RIC1: variants seen among roughly 807,000 people sequenced by gnomAD.
RIC1 encodes the protein guanine nucleotide exchange factor subunit RIC1.
Under a neutral mutation model 169.0 loss-of-function variants are expected in RIC1, and 88 were observed. That is an observed-to-expected ratio of 0.52 (90% CI 0.44 to 0.62). RIC1 has a LOEUF of 0.62. RIC1 is among the 20% of genes least tolerant of loss of function. RIC1 has a pLI of 0.00. For missense variants in RIC1, 1,877 were observed against 1,725.5 expected (o/e 1.09, Z -1.56); for synonymous variants, 790 against 601.5 (o/e 1.31, Z -4.59).
rs1385159254 is a variant in RIC1 at position 5,756,227 on chromosome 9, C to G, written c.1708C>G (p.Arg570Gly). 6.4e-7 allele frequency: 1 copy of G among 1,567,144 alleles called. No individual in the cohort carries two copies. Among genetic ancestry groups the G allele is most frequent in the Non-Finnish European group, 8.7e-7 (1 of 1,152,856 alleles). ...DRQEELRVYL[R>G]TSNLDNAFAH... ...TTTTCTTCAGCTTAGAGTATACTTG[C>G]GAACATCAAATCTGGACAATGCCTT... The change falls in exon 16 of 26, where the codon CGA becomes GGA. Residue 570 changes from arginine to glycine, a missense_variant. Physicochemically the swap from Arg to Gly is moderately radical, Grantham distance 125. This residue lies in a region of RIC1 where 1,104 missense variants were observed against 992.0 expected (regional missense o/e 1.11). Transcript: ENST00000414202.
At chr9:5,761,533 C>G (rs1030961853) in intron 17 of RIC1, among the ~76,000 whole-genome samples, 4 of 151,606 alleles carry the variant, frequency 2.6e-5, no homozygotes, top group African/African-American at 9.7e-5. Context: ...TTAAATGAGC[C>G]AAAAAGAAAA....
chr9:5,758,843 C>T (rs1017108005), intron 17 of RIC1, among the ~76,000 whole-genome samples: 1 of 150,446 alleles, frequency 6.6e-6, no homozygotes, highest in Non-Finnish European at 1.5e-5. Context: ...CTCCCAGGCT[C>T]AAGCAATTCT....
intron 4 of RIC1, among the ~76,000 whole-genome samples, chr9:5,715,295 C>T (rs932716250): frequency 2.0e-5 from 3 of 152,162 alleles, no homozygotes; most frequent in Admixed American, 2.0e-4. Context: ...TCTACCTCCA[C>T]CTGGTGGGAA....
In RIC1 at chr9:5,650,215, C is replaced by G. The variant is rs543341157; in HGVS notation, c.145-6368C>G. ...TGGATGACCAGGTGAGTGGGTAGGT[C>G]CTTGGATCCCTGGGCAGTGCATGTG... On this transcript the variant is annotated intron_variant, in intron 1 of 25. Transcript: ENST00000414202. Among the ~76,000 whole-genome samples, 5 of 151,938 alleles carry G rather than the reference C, an allele frequency of 3.3e-5. No individual in the cohort carries two copies. The South Asian group carries it at 8.3e-4, about 25-fold the overall frequency.
At chr9:5,752,011 T>C (rs1825751842) in intron 12 of RIC1, among the ~76,000 whole-genome samples, 1 of 152,196 alleles carries the variant, frequency 6.6e-6, no homozygotes. Flanking sequence ...AGAAGACTCT[T>C]TGTTCAGTTC....
At chr9:5,640,796 T>G (rs1388599829) in intron 1 of RIC1, among the ~76,000 whole-genome samples, 1 of 152,212 alleles carries the variant, frequency 6.6e-6, no homozygotes, top group East Asian at 1.9e-4. Context: ...TGATGAACTC[T>G]CTCAGCATTT....
At chr9:5,682,645 GCTCTTCTCAA>G (rs1820928037) in intron 2 of RIC1, among the ~76,000 whole-genome samples, 1 of 151,598 alleles carries the variant, frequency 6.6e-6, no homozygotes, top group Non-Finnish European at 1.5e-5. Context: ...TCTTGGAGTT[GCTCTTCTCAA>G]GGAGTATCTT....
intron 2 of RIC1, among the ~76,000 whole-genome samples, chr9:5,667,995 G>C (rs936829935): frequency 6.6e-6 from 1 of 152,220 alleles, no homozygotes; most frequent in Middle Eastern, 3.2e-3. Flanking sequence ...ATAAAGGAAA[G>C]AGGTTTAATT....
In RIC1 at chr9:5,720,203, T is replaced by C. The variant is rs1273509743; in HGVS notation, c.462T>C (p.Asp154=). 6 of 1,612,446 alleles carry C rather than the reference T, an allele frequency of 3.7e-6. No homozygotes were observed. The African/African-American group carries it at 5.3e-5, about 14-fold the overall frequency. Residue 154 remains aspartate (D), a synonymous_variant, in exon 5 of 26, where the codon GAT becomes GAC. Transcript: ENST00000414202. Reference sequence around the variant, plus strand: ...ACAGTTTGCAGTCTGTGTTGGAAGATCTCCTGGTTGCTACTTCTGATGGAC... The same window carrying C: ...ACAGTTTGCAGTCTGTGTTGGAAGACCTCCTGGTTGCTACTTCTGATGGAC... ...PIMSLQSVLE[D]LLVATSDGLL...
chr9:5,674,318 T>C (rs947430233), intron 2 of RIC1, among the ~76,000 whole-genome samples: 5 of 152,140 alleles, frequency 3.3e-5, no homozygotes, highest in Admixed American at 6.5e-5. Context: ...AAAATTCATA[T>C]AAGCTAAAAT....
At chr9:5,684,276 C>A (rs1184164446) in intron 2 of RIC1, among the ~76,000 whole-genome samples, 7 of 2,782 alleles carry the variant, frequency 2.5e-3, no homozygotes, top group Non-Finnish European at 0.017. Context: ...TTGGCTCCAC[C>A]CCCCCCCCCC....
intron 2 of RIC1, among the ~76,000 whole-genome samples, chr9:5,687,274 A>G (rs1821308410): frequency 1.3e-5 from 2 of 152,144 alleles, no homozygotes; most frequent in African/African-American, 4.8e-5. Flanking sequence ...AACAATAACA[A>G]AAGAACCCCA....
At chr9:5,682,096 T>C (rs1335499239) in intron 2 of RIC1, among the ~76,000 whole-genome samples, 2 of 152,172 alleles carry the variant, frequency 1.3e-5, no homozygotes, top group Non-Finnish European at 2.9e-5. Context: ...CACTGATGGG[T>C]CTTGAGTCTT....
chr9:5,748,563 A>C (rs946292889), intron 12 of RIC1: 6 of 152,650 alleles, frequency 3.9e-5, no homozygotes, highest in African/African-American at 1.4e-4. Flanking sequence ...AAAATTTTCC[A>C]CTGCTCCCTT....
rs1817598776 is a variant in RIC1, at chr9:5,629,285, G to C, written c.-25G>C. ...CGCTGAGTGTGACGGACGCAACTGGGGGCGCCGGGGGCTCCGCACGGACCA... is the reference window on the plus strand; with the variant it reads ...CGCTGAGTGTGACGGACGCAACTGGCGGCGCCGGGGGCTCCGCACGGACCA... On this transcript the variant is annotated 5_prime_UTR_variant, in exon 1 of 26. Coordinates refer to ENST00000414202, the MANE Select transcript of RIC1 (RefSeq NM_020829.4). 2.0e-6 allele frequency: 3 copies of C among 1,467,752 alleles called. No homozygotes were observed. The highest frequency in any genetic ancestry group is 2.7e-6 in the Non-Finnish European group (3 of 1,110,354). The allele number at this position is 1,467,752 out of a possible 1,614,324, so 90.9% of individuals were successfully genotyped here. A position where few individuals can be genotyped will look rare whatever the true frequency, so the allele number is the denominator to read the frequency against.
chr9:5,662,298 T>C (rs1473165749), intron 2 of RIC1, among the ~76,000 whole-genome samples: 2 of 152,168 alleles, frequency 1.3e-5, no homozygotes, highest in African/African-American at 2.4e-5. Flanking sequence ...TCTTTTTTTT[T>C]GTTTTGTCTC....
In RIC1 at chr9:5,706,553, G is replaced by C. The variant is rs1028230442; in HGVS notation, c.333-7343G>C. On this transcript the variant is annotated intron_variant, in intron 3 of 25. Coordinates refer to ENST00000414202, the MANE Select transcript of RIC1 (RefSeq NM_020829.4). Reference sequence around the variant, plus strand: ...TTCATTCTTATTTAAATATTGTATAGGTCACTAATTAAGCCATCTTGTTTT... The same window carrying C: ...TTCATTCTTATTTAAATATTGTATACGTCACTAATTAAGCCATCTTGTTTT... 2.6e-5 allele frequency among the ~76,000 whole-genome samples: 4 copies of C among 151,880 alleles called. No homozygotes were observed. The East Asian group carries it at 5.8e-4, about 22-fold the overall frequency.
intron 2 of RIC1, among the ~76,000 whole-genome samples, chr9:5,674,863 G>T (rs1225329472): frequency 6.6e-6 from 1 of 151,986 alleles, no homozygotes; most frequent in Non-Finnish European, 1.5e-5. Flanking sequence ...TTTTGTTCCG[G>T]GCATATGCTT....
rs16923483 is a variant in RIC1, at chr9:5,732,027, A to G, written c.721-361A>G. Among the ~76,000 whole-genome samples, 996 of 152,354 alleles carry G rather than the reference A, an allele frequency of 6.5e-3. 16 individuals carry two copies. Among genetic ancestry groups the G allele is most frequent in the African/African-American group, 0.023 (964 of 41,588 alleles). ...TATGTGCTAGGTGATGAGAATAATT[A>G]CAGTGAGCAAGTTAGATGCTGTTTC... is the stretch of plus-strand genomic sequence containing the variant. On this transcript the variant is annotated intron_variant, in intron 6 of 25. Coordinates refer to ENST00000414202, the MANE Select transcript of RIC1 (RefSeq NM_020829.4).
Sources: allele counts gnomAD v4.1 joint callset (sites outside exome capture counted in the v4.1 genomes callset), GRCh38; gene constraint gnomAD v4.1.1; regional missense constraint gnomAD v4.1.1; transcripts MANE v1.5; gene names NCBI Gene and HGNC (gene_info 2026-07-23, HGNC 2026-07-21).